The following IMPG2 variants were observed in gnomAD, a reference collection of about 807,000 sequenced individuals.
IMPG2 encodes interphotoreceptor matrix proteoglycan 2.
In IMPG2, 91 loss-of-function variants were observed where a neutral mutation model predicts 129.2. That is an observed-to-expected ratio of 0.70 (90% confidence interval 0.59 to 0.84). IMPG2 has a LOEUF of 0.84. IMPG2 is among the 40% of genes least tolerant of loss of function. The pLI is 0.00. For missense variants in IMPG2, 1,430 were observed against 1,461.7 expected, an observed-to-expected ratio of 0.98 and a Z score of 0.35; for synonymous variants, 510 against 517.7, an observed-to-expected ratio of 0.99 and a Z score of 0.20.
chr3:101,247,522 G>A (rs866318485), intron 11 of IMPG2, among the ~76,000 whole-genome samples: 22 of 152,120 alleles, frequency 1.4e-4, no homozygotes, highest in African/African-American at 4.3e-4. Context: ...ACTTGAACCC[G>A]GGCGGCGGAG....
chr3:101,285,743 C>A (rs564615123), intron 4 of IMPG2, among the ~76,000 whole-genome samples: 1 of 152,170 alleles, frequency 6.6e-6, no homozygotes, highest in Non-Finnish European at 1.5e-5. Flanking sequence ...GAAATTGGTA[C>A]AAATATCTAC....
intron 9 of IMPG2, among the ~76,000 whole-genome samples, chr3:101,258,098 G>A (rs1706631636): frequency 2.0e-5 from 3 of 151,940 alleles, no homozygotes. Flanking sequence ...TTCACTATGA[G>A]CCTACTTCCT....
intron 7 of IMPG2, 114 bp from the exon 8 acceptor site, chr3:101,269,687 T>C (rs1706758805): frequency 2.9e-6 from 2 of 681,652 alleles, no homozygotes; most frequent in South Asian, 3.7e-5. Flanking sequence ...ATTAGAAGCT[T>C]ATACACTTAG....
intron 3 of IMPG2, among the ~76,000 whole-genome samples, chr3:101,292,166 T>C (rs13089552): frequency 0.33 from 49,857 of 152,024 alleles, 10,473 homozygotes; most frequent in Non-Finnish European, 0.46. Flanking sequence ...CTCAATTTCC[T>C]CATCAGTAAA....
intron 8 of IMPG2, among the ~76,000 whole-genome samples, chr3:101,268,001 T>G (rs1185570986): frequency 6.6e-6 from 1 of 152,164 alleles, no homozygotes; most frequent in Non-Finnish European, 1.5e-5. Flanking sequence ...TAGCAGATGC[T>G]TAAATAGAAC....
At chr3:101,298,982 C>T (rs1441700145) in intron 3 of IMPG2, among the ~76,000 whole-genome samples, 1 of 152,140 alleles carries the variant, frequency 6.6e-6, no homozygotes, top group East Asian at 1.9e-4. Context: ...GGATAATATC[C>T]TGAAGTATGT....
chr3:101,229,317 C>T, intron 17 of IMPG2, 63 bp downstream of exon 17: 1 of 1,119,438 alleles, frequency 8.9e-7, no homozygotes. Context: ...CCCACCACCC[C>T]CTGCTCCCCC....
At chr3:101,244,861 G>A (rs999789399) in intron 12 of IMPG2, 74 bp from the exon 13 acceptor site, 155 of 1,322,120 alleles carry the variant, frequency 1.2e-4, no homozygotes, top group South Asian at 3.6e-4. Flanking sequence ...AATAAAACTA[G>A]TTGCCTGTTT....
intron 10 of IMPG2, among the ~76,000 whole-genome samples, chr3:101,255,399 C>G (rs530440614): frequency 1.3e-5 from 2 of 152,064 alleles, no homozygotes; most frequent in East Asian, 1.9e-4. Flanking sequence ...TTTTAGGATA[C>G]CTTTATGAAA....
rs1303832039 is a variant in IMPG2, at chr3:101,243,601, C to A, written c.2730G>T (p.Met910Ile). ...VVFFSLRVTNMMFSEDLFNKN... is the reference protein window; with the variant it reads ...VVFFSLRVTNIMFSEDLFNKN... ...TATTAAACAGATCTTCTGAAAACAT[C>A]ATGTTAGTCACTCGGAGGCTGAAGA... Residue 910 changes from methionine to isoleucine, a missense_variant, in exon 13 of 19, where the codon ATG (methionine) becomes ATT (isoleucine). Coordinates refer to ENST00000193391, the MANE Select transcript of IMPG2 (RefSeq NM_016247.4). 1 of 1,613,866 alleles carries A rather than the reference C, an allele frequency of 6.2e-7. No homozygotes were observed. The highest frequency in any genetic ancestry group is 8.5e-7 in the Non-Finnish European group (1 of 1,179,922).
At chr3:101,268,423 C>G (rs1445754875) in intron 8 of IMPG2, among the ~76,000 whole-genome samples, 6 of 152,152 alleles carry the variant, frequency 3.9e-5, no homozygotes, top group Non-Finnish European at 7.3e-5. Flanking sequence ...GGCGACTGGT[C>G]ATGATATGAG....
At chr3:101,306,908 G>C (rs540080030) in intron 2 of IMPG2, among the ~76,000 whole-genome samples, 2 of 152,106 alleles carry the variant, frequency 1.3e-5, no homozygotes, top group Non-Finnish European at 2.9e-5. Flanking sequence ...AAACTAAAAA[G>C]TGTCTGATTA....
rs1483158923 is a variant in IMPG2 at position 101,244,471 on chromosome 3, T to C, written c.1860A>G (p.Ser620=). Residue 620 remains serine (S), a synonymous_variant, in exon 13 of 19, where the codon TCA becomes TCG. Transcript: ENST00000193391. Reference sequence around the variant, plus strand: ...ACAGTGGTTCAGCGCTCTTCTCTGATGAAGTCTCACTCCATGGCCAAGTAA... The same window carrying C: ...ACAGTGGTTCAGCGCTCTTCTCTGACGAAGTCTCACTCCATGGCCAAGTAA... ...DLITWPWSET[S]SEKSAEPLSK... is the part of the protein sequence containing the mutation. 3.1e-6 allele frequency: 5 copies of C among 1,614,138 alleles called. No homozygotes were observed. Among genetic ancestry groups the C allele is most frequent in the Middle Eastern group, 1.7e-4 (1 of 6,060 alleles).
At chr3:101,296,537 C>T (rs1430340893) in intron 3 of IMPG2, among the ~76,000 whole-genome samples, 2 of 151,926 alleles carry the variant, frequency 1.3e-5, no homozygotes, top group South Asian at 2.1e-4. Context: ...TTTTTTGTTG[C>T]GTCTCTTCCA....
At chr3:101,311,076 G>T (rs1707259600) in intron 2 of IMPG2, among the ~76,000 whole-genome samples, 1 of 151,838 alleles carries the variant, frequency 6.6e-6, no homozygotes, top group South Asian at 2.1e-4. Context: ...AGAGAAATGG[G>T]CAAAAATCAT....
chr3:101,287,309 T>C lies in IMPG2; in HGVS notation c.533+4170A>G, dbSNP rs563890821. On this transcript the variant is annotated intron_variant, in intron 4 of 18. Transcript: ENST00000193391. ...AGAATCAATGTCATTAAAATGACCA[T>C]ACTGCCCAAAGCAATTTACAGATTC... Among the ~76,000 whole-genome samples the C allele has an allele frequency of 4.6e-5, 7 of 152,294 alleles. No homozygotes were observed. In the East Asian group the frequency reaches 1.2e-3, roughly 25 times the overall value.
At chr3:101,256,287 C>T in intron 10 of IMPG2, among the ~76,000 whole-genome samples, 1 of 151,104 alleles carries the variant, frequency 6.6e-6, no homozygotes, top group African/African-American at 2.4e-5. Context: ...AAGTTTTTTT[C>T]TCTCCCTTTC....
intron 9 of IMPG2, among the ~76,000 whole-genome samples, chr3:101,265,336 G>A (rs1327326708): frequency 6.6e-6 from 1 of 152,090 alleles, no homozygotes; most frequent in African/African-American, 2.4e-5. Flanking sequence ...CCTGGTACTA[G>A]CAATAAAAAC....
intron 7 of IMPG2, among the ~76,000 whole-genome samples, chr3:101,270,411 C>T (rs777064548): frequency 1.3e-5 from 2 of 152,162 alleles, no homozygotes; most frequent in African/African-American, 2.4e-5. Flanking sequence ...GGTAACTCCG[C>T]TGGTCAAAAG....
Sources: gnomAD v4.1 joint callset for allele counts (sites outside exome capture counted in the v4.1 genomes callset) on GRCh38, gnomAD v4.1.1 for gene constraint, MANE v1.5 for transcripts, NCBI Gene and HGNC (gene_info 2026-07-23, HGNC 2026-07-21) for gene names.